EHBP1: variants seen among roughly 807,000 people sequenced by gnomAD.
EHBP1 encodes EH domain-binding protein 1.
A neutral mutation model predicts 144.0 loss-of-function variants in EHBP1; 55 were observed. That is an observed-to-expected ratio of 0.38 (90% confidence interval 0.31 to 0.48). The LOEUF (loss-of-function observed/expected upper bound fraction) is 0.48. Among genes scored for constraint, EHBP1 ranks in the 20% least tolerant of loss-of-function variants. EHBP1 has a pLI of 0.98. For missense variants in EHBP1, 1,200 were observed against 1,364.2 expected, an observed-to-expected ratio of 0.88 and a Z score of 1.90; for synonymous variants, 469 against 472.7, an observed-to-expected ratio of 0.99 and a Z score of 0.10.
intron 4 of EHBP1, among the ~76,000 whole-genome samples, chr2:62,767,951 A>G (rs1279885966): frequency 2.0e-5 from 3 of 152,180 alleles, no homozygotes; most frequent in Non-Finnish European, 4.4e-5. Context: ...ATTAAGGCAG[A>G]TATCAAGAAG....
chr2:63,013,606 C>T (rs1172017546), intron 19 of EHBP1, among the ~76,000 whole-genome samples: 3 of 152,208 alleles, frequency 2.0e-5, no homozygotes, highest in Admixed American at 6.5e-5. Context: ...TACATCTCCA[C>T]CACTCCAATT....
intron 10 of EHBP1, among the ~76,000 whole-genome samples, chr2:62,886,214 C>T (rs987793664): frequency 3.3e-5 from 5 of 152,152 alleles, no homozygotes; most frequent in African/African-American, 1.2e-4. Flanking sequence ...AGGGCCATTC[C>T]TGCTGAAAAA....
At chr2:62,688,224 TAC>T (rs915950327) in intron 1 of EHBP1, among the ~76,000 whole-genome samples, 17 of 152,174 alleles carry the variant, frequency 1.1e-4, no homozygotes, top group African/African-American at 4.1e-4. Flanking sequence ...TCTCCTTCCT[TAC>T]AGTTTGTAAA....
At chr2:62,765,879 A>T (rs1218542777) in intron 4 of EHBP1, among the ~76,000 whole-genome samples, 1 of 152,106 alleles carries the variant, frequency 6.6e-6, no homozygotes, top group Non-Finnish European at 1.5e-5. Context: ...TCTGTGTCCT[A>T]AGTGCATCAT....
intron 7 of EHBP1, among the ~76,000 whole-genome samples, chr2:62,841,728 GCTT>G (rs1002439943): frequency 6.6e-6 from 1 of 151,650 alleles, no homozygotes; most frequent in African/African-American, 2.4e-5. Context: ...TTGAGTTTTG[GCTT>G]CTTTTCTTTT....
At chr2:62,933,216 A>G (rs933770969) in intron 10 of EHBP1, among the ~76,000 whole-genome samples, 2 of 151,878 alleles carry the variant, frequency 1.3e-5, no homozygotes, top group Non-Finnish European at 2.9e-5. Context: ...CAAAACAAAA[A>G]CAGTTTATTG....
intron 16 of EHBP1, among the ~76,000 whole-genome samples, chr2:62,991,690 C>T (rs1243747992): frequency 6.6e-6 from 1 of 152,208 alleles, no homozygotes; most frequent in East Asian, 1.9e-4. Context: ...CACATGTTTC[C>T]CTGCTTTCCT....
At chr2:62,681,338 G>GTATATATATATATATATATATATA (rs1376388270) in intron 1 of EHBP1, among the ~76,000 whole-genome samples, 6 of 16,912 alleles carry the variant, frequency 3.5e-4, no homozygotes, top group African/African-American at 1.3e-3. Context: ...GTATGTGTGT[G>GTATATATATATATATATATATATA]TGTATATATA....
At chr2:63,022,458 A>G (rs1209237870) in intron 19 of EHBP1, among the ~76,000 whole-genome samples, 3 of 151,872 alleles carry the variant, frequency 2.0e-5, no homozygotes, top group African/African-American at 4.8e-5. Context: ...GGGACTACAG[A>G]CATGCACCAC....
intron 10 of EHBP1, among the ~76,000 whole-genome samples, chr2:62,883,845 C>T (rs1157295233): frequency 6.6e-6 from 1 of 152,122 alleles, no homozygotes; most frequent in Non-Finnish European, 1.5e-5. Context: ...ATGGCTCACG[C>T]CTGTATTCCC....
In EHBP1 at chr2:62,948,409, G is replaced by T; in HGVS notation, c.1563G>T (p.Gln521His). The change falls in exon 13 of 23, where the codon CAG (glutamine) becomes CAT (histidine). Residue 521 changes from glutamine (Q) to histidine (H), a missense_variant. By Grantham distance (24) the Gln-to-His change is conservative. Coordinates refer to ENST00000431489, the MANE Select transcript of EHBP1 (RefSeq NM_001142616.3). Reference sequence around the variant, plus strand: ...GTGGCCAAGAACTAAATGTCGTTCAGATAGAGGAAAACAGCAGTAAAAGCA... The same window carrying T: ...GTGGCCAAGAACTAAATGTCGTTCATATAGAGGAAAACAGCAGTAAAAGCA... ...HFSGQELNVV[Q>H]IEENSSKSTY... is the part of the protein sequence containing the mutation. The T allele has an allele frequency of 6.2e-7, 1 of 1,613,990 alleles. No homozygotes were observed. The highest frequency in any genetic ancestry group is 8.5e-7 in the Non-Finnish European group (1 of 1,179,948).
At chr2:62,703,822 C>T (rs1206009789), upstream of EHBP1, among the ~76,000 whole-genome samples, 9 of 152,164 alleles carry the variant, frequency 5.9e-5, no homozygotes, top group South Asian at 8.3e-4. Flanking sequence ...TAAAGTCAGT[C>T]TCTCTATTTT....
chr2:63,009,506 G>C (rs1477107048), intron 19 of EHBP1, among the ~76,000 whole-genome samples: 1 of 151,438 alleles, frequency 6.6e-6, no homozygotes, highest in African/African-American at 2.4e-5. Context: ...TTCTGGGTGA[G>C]GTATTTTTCT....
At chr2:62,991,973 G>C (rs1000485684) in intron 16 of EHBP1, among the ~76,000 whole-genome samples, 2 of 152,266 alleles carry the variant, frequency 1.3e-5, no homozygotes, top group East Asian at 3.9e-4. Flanking sequence ...GATTTTTTGC[G>C]TTCAATTTAG....
chr2:63,033,513 A>T (rs1408078396), intron 19 of EHBP1, among the ~76,000 whole-genome samples: 1 of 152,166 alleles, frequency 6.6e-6, no homozygotes, highest in Non-Finnish European at 1.5e-5. Flanking sequence ...ATTCAGCTAA[A>T]ATTGTTTTAT....
intron 19 of EHBP1, among the ~76,000 whole-genome samples, chr2:63,024,601 CAAAAAAAAA>C (rs35534053): frequency 1.9e-5 from 2 of 107,492 alleles, no homozygotes; most frequent in Non-Finnish European, 3.7e-5. Context: ...GACCCTGTCT[CAAAAAAAAA>C]AAAAAAAAAA....
At chr2:62,988,703 T>G (rs1346442438) in intron 15 of EHBP1, among the ~76,000 whole-genome samples, 2 of 152,154 alleles carry the variant, frequency 1.3e-5, no homozygotes, top group East Asian at 3.8e-4. Context: ...CAGCAGCAAG[T>G]AGCAATCCAA....
At chr2:62,846,750 C>T (rs1021410070) in intron 7 of EHBP1, among the ~76,000 whole-genome samples, 4 of 151,828 alleles carry the variant, frequency 2.6e-5, no homozygotes, top group African/African-American at 9.7e-5. Context: ...AAATAAAAAA[C>T]AGACTAAGAA....
intron 1 of EHBP1, among the ~76,000 whole-genome samples, chr2:62,696,234 G>A (rs2034086355): frequency 6.8e-6 from 1 of 146,776 alleles, no homozygotes; most frequent in Non-Finnish European, 1.5e-5. Context: ...ACAGTGGCAC[G>A]GTCTTGGCTC....
Sources: allele counts gnomAD v4.1 joint callset (sites outside exome capture counted in the v4.1 genomes callset), GRCh38; gene constraint gnomAD v4.1.1; transcripts MANE v1.5; gene names NCBI Gene and HGNC (gene_info 2026-07-23, HGNC 2026-07-21).